The following PLCD1 variants were observed in gnomAD, a reference collection of about 807,000 sequenced individuals.
The protein encoded by PLCD1 is phospholipase C delta 1, also known as 1-phosphatidylinositol 4,5-bisphosphate phosphodiesterase delta-1.
In PLCD1, 71 loss-of-function variants were observed where a neutral mutation model predicts 87.4. The observed-to-expected ratio is 0.81, with a 90% CI of 0.67 to 0.99. The LOEUF (loss-of-function observed/expected upper bound fraction) is 0.99. Ranked by LOEUF, PLCD1 falls within the 50% of genes least tolerant of loss-of-function variation. The pLI, the probability that PLCD1 is intolerant of heterozygous loss-of-function variation, is 0.00. For synonymous variants in PLCD1, 348 were observed against 399.2 expected (o/e 0.87, Z 1.53); for missense variants, 867 against 1,001.5 (o/e 0.87, Z 1.81).
At chr3:38,011,501 G>A in intron 4 of PLCD1, 43 bp downstream of exon 4, 13 of 1,614,048 alleles carry the variant, frequency 8.1e-6, no homozygotes, top group Non-Finnish European at 1.1e-5. Context: ...CGGGGTCAAG[G>A]GCCCCATGGA....
rs1435695758 is a variant in PLCD1 at position 38,029,506 on chromosome 3, C to A, written c.34G>T (p.Gly12Cys). ...DSGRDFLTLHGLQDDEDLQAL... is the reference protein window; with the variant it reads ...DSGRDFLTLHCLQDDEDLQAL... ...CCGCTCGCGCGGGCCAGGCACTCAC[C>A]GTGCAGGGTCAGGAAGTCCCGGCCC... The change falls in exon 1 of 15, where the codon GGC (glycine) becomes TGC (cysteine). Residue 12 changes from glycine (G) to cysteine (C), a missense_variant and splice_region_variant. Gly to Cys is a radical substitution (Grantham distance 159, BLOSUM62 -3). Coordinates refer to ENST00000334661, the MANE Select transcript of PLCD1 (RefSeq NM_006225.4). 1 of 1,539,408 alleles carries A rather than the reference C, an allele frequency of 6.5e-7. No homozygotes were observed. The highest frequency in any genetic ancestry group is 8.7e-7 in the Non-Finnish European group (1 of 1,146,380).
intron 3 of PLCD1, 60 bp from the exon 4 acceptor site, chr3:38,011,733 A>G: frequency 6.3e-7 from 1 of 1,581,486 alleles, no homozygotes; most frequent in Non-Finnish European, 8.7e-7. Flanking sequence ...TCCCAGCCAG[A>G]GCCATGGATG....
intron 1 of PLCD1, among the ~76,000 whole-genome samples, 166 bp downstream of exon 1, chr3:38,029,340 G>A (rs1217717049): frequency 6.6e-6 from 1 of 152,090 alleles, no homozygotes; most frequent in East Asian, 1.9e-4. Context: ...CCCACCCAGG[G>A]AGCCGCGGGC....
At chr3:38,013,493 G>A (rs917785944) in intron 3 of PLCD1, among the ~76,000 whole-genome samples, 11 of 152,188 alleles carry the variant, frequency 7.2e-5, no homozygotes, top group Non-Finnish European at 1.5e-4. Context: ...GATTACAGGC[G>A]TGAGCCACTG....
In PLCD1 at chr3:38,008,104, G is replaced by T. The variant is rs1241652991; in HGVS notation, c.2095C>A (p.Leu699Ile). ...TAATCTTCCACCAAGAAGCGGATGA[G>T]GGCAAGGTCAGGCACAACTACCTCA... ...AFEVVVPDLALIRFLVEDYDA... is the reference protein window; with the variant it reads ...AFEVVVPDLAIIRFLVEDYDA... Residue 699 changes from leucine to isoleucine, a missense_variant, in exon 14 of 15, where the codon CTC becomes ATC. Physicochemically the swap from Leu to Ile is conservative, Grantham distance 5. Transcript: ENST00000334661. 2 of 1,614,158 alleles carry T rather than the reference G, an allele frequency of 1.2e-6. No homozygotes were observed. Among genetic ancestry groups the T allele is most frequent in the Non-Finnish European group, 1.7e-6 (2 of 1,180,028 alleles).
At chr3:38,010,682 T>C (rs1700058958) in intron 5 of PLCD1, 120 bp from the exon 6 acceptor site, 1 of 748,634 alleles carries the variant, frequency 1.3e-6, no homozygotes, top group African/African-American at 1.8e-5. Context: ...GAGCCAGTCT[T>C]CCAGAGCTCT....
intron 3 of PLCD1, among the ~76,000 whole-genome samples, chr3:38,014,885 A>G (rs1700132922): frequency 6.6e-6 from 1 of 152,262 alleles, no homozygotes. Flanking sequence ...ATCACTAATC[A>G]TTAGGGAAAT....
rs763686597 is a variant in PLCD1, at chr3:38,020,300, C to T, written c.87G>A (p.Leu29=). The T allele has an allele frequency of 2.5e-6, 4 of 1,614,160 alleles. No homozygotes were observed. The South Asian group carries it at 4.4e-5, about 18-fold the overall frequency. ...LQALLKGSQL[L]KVKSSSWRRE... is the part of the protein sequence containing the mutation. ...TCCTCCATGAGCTGGACTTCACCTT[C>T]AGGAGCTGGCTGCCCTTCAGCAGCG... Residue 29 remains leucine (L), a synonymous_variant, in exon 2 of 15, where the codon CTG becomes CTA. Transcript: ENST00000334661.
Position 38,009,883 on chromosome 3 carries a change from T to C in PLCD1, c.1287+21A>G, listed in dbSNP as rs781504474. On this transcript the variant is annotated intron_variant, in intron 8 of 14. Transcript: ENST00000334661. ...TAGGCTCCCCACCCTCCCCCAGGGATCCCCCATCCCCACCACACACCTCAG... is the reference window on the plus strand; with the variant it reads ...TAGGCTCCCCACCCTCCCCCAGGGACCCCCCATCCCCACCACACACCTCAG... The C allele has an allele frequency of 1.0e-5, 16 of 1,595,760 alleles. No individual in the cohort carries two copies. In the South Asian group the frequency reaches 1.4e-4, roughly 13 times the overall value.
intron 3 of PLCD1, among the ~76,000 whole-genome samples, chr3:38,012,972 T>C (rs1396814459): frequency 6.6e-6 from 1 of 152,096 alleles, no homozygotes; most frequent in Non-Finnish European, 1.5e-5. Context: ...GGCATGATTA[T>C]GGCCCACTGC....
rs1180226546 is a variant in PLCD1 at position 38,008,032 on chromosome 3, A to G, written c.2167T>C (p.Leu723=). Residue 723 remains leucine, a synonymous_variant, in exon 14 of 15, where the codon TTG becomes CTG. Coordinates refer to ENST00000334661, the MANE Select transcript of PLCD1 (RefSeq NM_006225.4). The part of the protein sequence containing the change: ...NDFIGQSTIP[L]NSLKQGYRHV... ...CACTCACCTTGCTTGAGGCTGTTCAAGGGGATGGTACTCTGGCCAATGAAG... is the reference window on the plus strand; with the variant it reads ...CACTCACCTTGCTTGAGGCTGTTCAGGGGGATGGTACTCTGGCCAATGAAG... The G allele has an allele frequency of 6.2e-7, 1 of 1,614,192 alleles. No individual in the cohort carries two copies. The highest frequency in any genetic ancestry group is 2.2e-5 in the East Asian group (1 of 44,884).
chr3:38,009,727 C>A lies in PLCD1; in HGVS notation c.1372G>T (p.Val458Leu), dbSNP rs144744014. ...GCAGCCTCGTCTTCGTCTGACACCA[C>A]AGTGGCCTCAGGGCCACCCTCCCCT... is the stretch of plus-strand genomic sequence containing the variant. ...PGGEGGPEAT[V>L]VSDEDEAAEM... Residue 458 changes from valine (V) to leucine (L), a missense_variant, in exon 9 of 15, where the codon GTG (valine) becomes TTG (leucine). Coordinates refer to ENST00000334661, the MANE Select transcript of PLCD1 (RefSeq NM_006225.4). 2 of 1,614,172 alleles carry A rather than the reference C, an allele frequency of 1.2e-6. No individual in the cohort carries two copies. The highest frequency in any genetic ancestry group is 2.2e-5 in the South Asian group (2 of 91,086).
intron 10 of PLCD1, 21 bp from the exon 11 acceptor site, chr3:38,009,179 G>A: frequency 1.2e-6 from 2 of 1,613,130 alleles, no homozygotes; most frequent in Non-Finnish European, 1.7e-6. Context: ...GTGTGGTTCG[G>A]TCAGCAGTGG....
intron 1 of PLCD1, among the ~76,000 whole-genome samples, chr3:38,024,944 C>T (rs954029709): frequency 6.6e-6 from 1 of 152,070 alleles, no homozygotes; most frequent in African/African-American, 2.4e-5. Context: ...GAGGAGGTGC[C>T]GGGCCCCGCG....
In PLCD1 at chr3:38,007,711, G is replaced by T; in HGVS notation, c.*62C>A. 7.9e-7 allele frequency: 1 copy of T among 1,267,228 alleles called. No individual in the cohort carries two copies. Among genetic ancestry groups the T allele is most frequent in the Non-Finnish European group, 1.2e-6 (1 of 866,578 alleles). The allele number at this position is 1,267,228 out of a possible 1,614,324, so 78.5% of individuals were successfully genotyped here. On this transcript the variant is annotated 3_prime_UTR_variant, in exon 15 of 15. Transcript: ENST00000334661. ...GGCTGGGAGCAGCCACACCAGCCCT[G>T]TCCCCACATGTGGACAGAGGGCCCA...
chr3:38,014,098 C>T (rs1304658194), intron 3 of PLCD1, among the ~76,000 whole-genome samples: 1 of 152,052 alleles, frequency 6.6e-6, no homozygotes, highest in Non-Finnish European at 1.5e-5. Context: ...GAAAGAATTA[C>T]ATGTTCATGG....
chr3:38,024,641 C>T, intron 1 of PLCD1: 1 of 1,519,556 alleles, frequency 6.6e-7, no homozygotes, highest in Admixed American at 2.0e-5. Context: ...AGAGGGAAAT[C>T]TGGGCTGAGG....
chr3:38,014,491 A>C lies in PLCD1; in HGVS notation c.428+2000T>G, dbSNP rs892727970. On this transcript the variant is annotated intron_variant, in intron 3 of 14. Transcript: ENST00000334661. Reference sequence around the variant, plus strand: ...TCGTGAATATGATGCCAAAAAAAATAAACAACAAAAGAAATAAAGTATATG... The same window carrying C: ...TCGTGAATATGATGCCAAAAAAAATCAACAACAAAAGAAATAAAGTATATG... 2.0e-5 allele frequency: 3 copies of C among 153,788 alleles called. No individual in the cohort carries two copies. The East Asian group carries it at 5.8e-4, about 30-fold the overall frequency. The allele number at this position is 153,788 out of a possible 1,614,324, so 9.5% of individuals were successfully genotyped here.
At chr3:38,022,578 T>C (rs2125550604) in intron 1 of PLCD1, among the ~76,000 whole-genome samples, 1 of 152,322 alleles carries the variant, frequency 6.6e-6, no homozygotes, top group African/African-American at 2.4e-5. Flanking sequence ...AGAGATGACA[T>C]GCTCATCCTG....
Sources: gnomAD v4.1 joint callset for allele counts (sites outside exome capture counted in the v4.1 genomes callset) on GRCh38, gnomAD v4.1.1 for gene constraint, MANE v1.5 for transcripts, NCBI Gene and HGNC (gene_info 2026-07-23, HGNC 2026-07-21) for gene names.